NCAPG2: variants seen among roughly 807,000 people sequenced by gnomAD.
NCAPG2 encodes condensin-2 complex subunit G2.
Under a neutral mutation model 141.1 loss-of-function variants are expected in NCAPG2, and 53 were observed. That is an observed-to-expected ratio of 0.38 (90% CI 0.30 to 0.47). The LOEUF is 0.47. Among genes scored for constraint, NCAPG2 ranks in the 20% least tolerant of loss-of-function variants. NCAPG2 has a pLI of 0.99. For synonymous variants in NCAPG2, 499 were observed against 490.7 expected (o/e 1.02, Z -0.22); for missense variants, 1,087 against 1,389.0 (o/e 0.78, Z 3.46).
chr7:158,655,087 A>G (rs755646050), intron 21 of NCAPG2, 31 bp downstream of exon 21: 6 of 1,564,604 alleles, frequency 3.8e-6, no homozygotes, highest in Non-Finnish European at 5.2e-6. Context: ...CTTGGTAAAG[A>G]GAAAGTTTTC....
chr7:158,680,189 T>C, intron 10 of NCAPG2, 104 bp from the exon 11 acceptor site: 1 of 1,285,176 alleles, frequency 7.8e-7, no homozygotes, highest in Non-Finnish European at 1.1e-6. Context: ...TGATACAGAT[T>C]TATTTTCAAA....
chr7:158,675,813 C>T (rs1834014710), intron 11 of NCAPG2, among the ~76,000 whole-genome samples, 157 bp from the exon 12 acceptor site: 1 of 152,132 alleles, frequency 6.6e-6, no homozygotes, highest in Non-Finnish European at 1.5e-5. Flanking sequence ...AGATTACTTG[C>T]TATCGCTTCT....
chr7:158,640,129 A>C (rs927537489), intron 27 of NCAPG2: 2 of 152,334 alleles, frequency 1.3e-5, no homozygotes, highest in Non-Finnish European at 2.9e-5. Context: ...CAAACAAAGA[A>C]AAAGTATTGA....
intron 11 of NCAPG2, 110 bp downstream of exon 11, chr7:158,679,850 G>A (rs1294868295): frequency 7.2e-7 from 1 of 1,381,158 alleles, no homozygotes; most frequent in South Asian, 1.5e-5. Context: ...TGCCATGTGG[G>A]AGCAGAGCTC....
At chr7:158,665,481 G>A (rs1320562888) in intron 13 of NCAPG2, 2 of 152,190 alleles carry the variant, frequency 1.3e-5, no homozygotes, top group African/African-American at 4.8e-5. Context: ...GCCCTGCCTC[G>A]GGCTCCTCAC....
Position 158,664,222 on chromosome 7 carries a change from C to T in NCAPG2, c.1777G>A (p.Glu593Lys), listed in dbSNP as rs376297815. The T allele has an allele frequency of 1.2e-4, 197 of 1,613,534 alleles. No individual in the cohort carries two copies. Among genetic ancestry groups the T allele is most frequent in the Non-Finnish European group, 1.6e-4 (185 of 1,179,518 alleles). The part of the protein sequence containing the change: ...QRAVREPPED[E>K]EEEDGREKEN... ...TTCTCCCTTCCGTCCTCTTCCTCCT[C>T]GTCCTCTGGAGGCTCTCTCACTGCC... Residue 593 changes from glutamate to lysine, a missense_variant, in exon 15 of 28, where the codon GAG becomes AAG. By Grantham distance (56) the Glu-to-Lys change is moderately conservative (BLOSUM62 1). Coordinates refer to ENST00000356309, the MANE Select transcript of NCAPG2 (RefSeq NM_017760.7).
rs1056845445 is a variant in NCAPG2, at chr7:158,682,347, G to A, written c.924+953C>T. Among the ~76,000 whole-genome samples, 29 of 147,946 alleles carry A rather than the reference G, an allele frequency of 2.0e-4. No homozygotes were observed. The East Asian group carries it at 5.6e-3, about 28-fold the overall frequency. On this transcript the variant is annotated intron_variant, in intron 9 of 27. Coordinates refer to ENST00000356309, the MANE Select transcript of NCAPG2 (RefSeq NM_017760.7). Reference sequence around the variant, plus strand: ...ATAAAGCCACACTGGGATGGGGGTGGGGGGTGGGTAGGACAGGGAGTTCAT... The same window carrying A: ...ATAAAGCCACACTGGGATGGGGGTGAGGGGTGGGTAGGACAGGGAGTTCAT...
intron 19 of NCAPG2, 125 bp downstream of exon 19, chr7:158,656,135 T>A (rs1264705956): frequency 8.0e-7 from 1 of 1,254,706 alleles, no homozygotes; most frequent in African/African-American, 1.5e-5. Context: ...TGAGGTGACA[T>A]GATCACTCTC....
At chr7:158,637,976 T>G (rs1390869956) in intron 27 of NCAPG2, among the ~76,000 whole-genome samples, 1 of 152,090 alleles carries the variant, frequency 6.6e-6, no homozygotes, top group Non-Finnish European at 1.5e-5. Context: ...AAACTCCGTC[T>G]CTACTAAAAA....
intron 1 of NCAPG2, 116 bp downstream of exon 1, chr7:158,704,608 C>A (rs1375347777): frequency 6.5e-6 from 1 of 152,814 alleles, no homozygotes; most frequent in Admixed American, 6.5e-5. Context: ...CGGCCGCCTC[C>A]TTAGGGGAGG....
rs746090038 is a variant in NCAPG2, at chr7:158,658,416, C to T, written c.1990-8G>A. Reference sequence around the variant, plus strand: ...GATCTTGCAGCGATCATCCTAAAAGCGAAAAAAGAAAAACAAAACAAAGCA... The same window carrying T: ...GATCTTGCAGCGATCATCCTAAAAGTGAAAAAAGAAAAACAAAACAAAGCA... On this transcript the variant is annotated splice_region_variant and splice_polypyrimidine_tract_variant and intron_variant, in intron 16 of 27. Coordinates refer to ENST00000356309, the MANE Select transcript of NCAPG2 (RefSeq NM_017760.7). The T allele has an allele frequency of 2.3e-5, 36 of 1,597,772 alleles. No individual in the cohort carries two copies. The highest frequency in any genetic ancestry group is 1.7e-4 in the Middle Eastern group (1 of 5,978).
Position 158,664,192 on chromosome 7 carries a change from T to C in NCAPG2, c.1807A>G (p.Asn603Asp), listed in dbSNP as rs1490478857. The C allele has an allele frequency of 1.9e-6, 3 of 1,606,998 alleles. No homozygotes were observed. Among genetic ancestry groups the C allele is most frequent in the Non-Finnish European group, 2.6e-6 (3 of 1,173,624 alleles). ...GGCCCTGTTCTACTCACAGTCACAT[T>C]CTCCTTCTCCCTTCCGTCCTCTTCC... is the stretch of plus-strand genomic sequence containing the variant. ...EEEEDGREKE[N>D]VTVLDKTLSV... Residue 603 changes from asparagine (N) to aspartate (D), a missense_variant, in exon 15 of 28, where the codon AAT (asparagine) becomes GAT (aspartate). By Grantham distance (23) the Asn-to-Asp change is conservative. Coordinates refer to ENST00000356309, the MANE Select transcript of NCAPG2 (RefSeq NM_017760.7).
chr7:158,698,585 C>T (rs114200579), intron 2 of NCAPG2, among the ~76,000 whole-genome samples: 2,746 of 152,256 alleles, frequency 0.018, 67 homozygotes, highest in African/African-American at 0.056. Context: ...GTGTACTGAG[C>T]TGCTCCATCT....
At chr7:158,654,830 T>C (rs1831781664) in intron 21 of NCAPG2, 136 bp from the exon 22 acceptor site, 1 of 1,394,804 alleles carries the variant, frequency 7.2e-7, no homozygotes, top group Non-Finnish European at 9.3e-7. Context: ...TATAAAGGAA[T>C]TTTCATAAAG....
intron 13 of NCAPG2, among the ~76,000 whole-genome samples, chr7:158,669,767 T>TAAAAAAAAAAA (rs1563545647): frequency 4.9e-5 from 1 of 20,462 alleles, no homozygotes; most frequent in Non-Finnish European, 7.3e-5. Context: ...AGACTCTGTC[T>TAAAAAAAAAAA]CAAAAAAAAA....
intron 22 of NCAPG2, 108 bp downstream of exon 22, chr7:158,654,487 T>G: frequency 1.8e-6 from 2 of 1,121,746 alleles, no homozygotes; most frequent in Non-Finnish European, 2.5e-6. Flanking sequence ...CCAGGTTGCA[T>G]TATAATCAGT....
In NCAPG2 at chr7:158,633,045, C is replaced by T. The variant is rs1189334197; in HGVS notation, c.3381-1328G>A. ...TATTCCTGGAATTTAGGAATCTTATCCATAATTATTTAGCTGTGATTTTTT... is the reference window on the plus strand; with the variant it reads ...TATTCCTGGAATTTAGGAATCTTATTCATAATTATTTAGCTGTGATTTTTT... On this transcript the variant is annotated intron_variant, in intron 27 of 27. Coordinates refer to ENST00000356309, the MANE Select transcript of NCAPG2 (RefSeq NM_017760.7). This position sits in a 1 kb window ranked among gnomAD's most constrained non-coding sequence, Gnocchi z 4.1. Among the ~76,000 whole-genome samples the T allele has an allele frequency of 6.6e-6, 1 of 152,064 alleles. No homozygotes were observed. Among genetic ancestry groups the T allele is most frequent in the East Asian group, 1.9e-4 (1 of 5,188 alleles).
At chr7:158,687,320 C>T in intron 7 of NCAPG2, 28 bp downstream of exon 7, 1 of 1,522,074 alleles carries the variant, frequency 6.6e-7, no homozygotes, top group East Asian at 2.3e-5. Context: ...TAAGACAGCA[C>T]AAAATCTTCA....
intron 24 of NCAPG2, among the ~76,000 whole-genome samples, chr7:158,647,325 G>C (rs1370766798): frequency 6.6e-6 from 1 of 152,150 alleles, no homozygotes; most frequent in Non-Finnish European, 1.5e-5. Context: ...CAATGCCTGG[G>C]GCACGTTGCC....
Sources: gnomAD v4.1 joint callset for allele counts (sites outside exome capture counted in the v4.1 genomes callset) on GRCh38, gnomAD v4.1.1 for gene constraint, Gnocchi (gnomAD v3.1) non-coding constraint, MANE v1.5 for transcripts, NCBI Gene and HGNC (gene_info 2026-07-23, HGNC 2026-07-21) for gene names.